The following FRMD4B variants were observed in gnomAD, a reference collection of about 807,000 sequenced individuals.
FRMD4B encodes FERM domain-containing protein 4B.
A neutral mutation model predicts 141.5 loss-of-function variants in FRMD4B; 74 were observed. The observed-to-expected ratio is 0.52, with a 90% CI of 0.43 to 0.63. FRMD4B has a LOEUF of 0.63. Ranked by LOEUF, FRMD4B falls within the 30% of genes least tolerant of loss-of-function variation. FRMD4B has a pLI of 0.00. For missense variants in FRMD4B, 1,366 were observed against 1,253.4 expected (o/e 1.09, Z -1.36); for synonymous variants, 506 against 467.9 (o/e 1.08, Z -1.05).
intron 1 of FRMD4B, among the ~76,000 whole-genome samples, chr3:69,350,644 A>G (rs1703109921): frequency 6.6e-6 from 1 of 152,158 alleles, no homozygotes; most frequent in African/African-American, 2.4e-5. Flanking sequence ...CTGTGCAGCC[A>G]TAAAGAAGAA....
chr3:69,480,892 A>T (rs1297807156), intron 1 of FRMD4B, among the ~76,000 whole-genome samples: 1 of 152,014 alleles, frequency 6.6e-6, no homozygotes, highest in Non-Finnish European at 1.5e-5. Flanking sequence ...TTATTTGTTT[A>T]CCTAAGCAAG....
At chr3:69,511,946 C>G (rs1043239777) in intron 1 of FRMD4B, among the ~76,000 whole-genome samples, 3 of 152,102 alleles carry the variant, frequency 2.0e-5, no homozygotes, top group African/African-American at 7.2e-5. Context: ...CGAAGACATC[C>G]TGGAGGGGGC....
intron 3 of FRMD4B, 104 bp from the exon 4 acceptor site, chr3:69,302,539 G>A (rs374581726): frequency 3.9e-5 from 28 of 717,118 alleles, no homozygotes; most frequent in African/African-American, 1.7e-4. Flanking sequence ...CTCATACACC[G>A]ATGGTAGGAG....
chr3:69,458,767 T>C (rs1705657918), intron 1 of FRMD4B, among the ~76,000 whole-genome samples: 1 of 151,184 alleles, frequency 6.6e-6, no homozygotes, highest in African/African-American at 2.4e-5. Flanking sequence ...ATTGGTAGAT[T>C]CTACTCTTAT....
chr3:69,183,624 A>G (rs1234444420), intron 19 of FRMD4B, among the ~76,000 whole-genome samples: 1 of 151,330 alleles, frequency 6.6e-6, no homozygotes, highest in East Asian at 1.9e-4. Flanking sequence ...CTGGGACCAC[A>G]GGCGCCCACC....
intron 2 of FRMD4B, among the ~76,000 whole-genome samples, chr3:69,394,413 G>A (rs148465471): frequency 6.6e-6 from 1 of 152,244 alleles, no homozygotes; most frequent in Non-Finnish European, 1.5e-5. Context: ...ATGGTTCTAG[G>A]ATGTGTTTTA....
intron 1 of FRMD4B, among the ~76,000 whole-genome samples, chr3:69,339,463 C>T (rs1417076579): frequency 6.6e-6 from 1 of 152,098 alleles, no homozygotes; most frequent in Non-Finnish European, 1.5e-5. Flanking sequence ...GTATCTGCCC[C>T]ACAGAACTGA....
At chr3:69,188,882 A>T (rs1415908091) in intron 18 of FRMD4B, among the ~76,000 whole-genome samples, 1 of 151,952 alleles carries the variant, frequency 6.6e-6, no homozygotes, top group Non-Finnish European at 1.5e-5. Flanking sequence ...ACAAGAGATG[A>T]CAAAGAAACA....
At chr3:69,386,718 C>G (rs1704265725), upstream of FRMD4B, among the ~76,000 whole-genome samples, 2 of 152,226 alleles carry the variant, frequency 1.3e-5, no homozygotes, top group Admixed American at 1.3e-4. Flanking sequence ...TTGCTCCTAA[C>G]TTGAGGGTCT....
intron 12 of FRMD4B, 182 bp downstream of exon 12, chr3:69,198,516 G>C (rs1370424940): frequency 3.4e-6 from 2 of 585,762 alleles, no homozygotes; most frequent in East Asian, 5.7e-5. Context: ...ACTTTGAAAA[G>C]CAGCCTTGCC....
chr3:69,541,795 C>CCCCT (rs1298020666), intron 1 of FRMD4B, among the ~76,000 whole-genome samples: 1 of 151,536 alleles, frequency 6.6e-6, no homozygotes. Flanking sequence ...GATTTCCCCC[C>CCCCT]CCTCTTTTCG....
At chr3:69,205,746 C>G (rs1398046187) in intron 11 of FRMD4B, among the ~76,000 whole-genome samples, 1 of 152,134 alleles carries the variant, frequency 6.6e-6, no homozygotes, top group African/African-American at 2.4e-5. Context: ...CCCTAAATGT[C>G]TATGGTGCTG....
chr3:69,285,857 AAAT>A (rs970432513), intron 5 of FRMD4B, among the ~76,000 whole-genome samples: 1 of 152,164 alleles, frequency 6.6e-6, no homozygotes, highest in Non-Finnish European at 1.5e-5. Context: ...AAGAAAAAAA[AAAT>A]AATTGCTCAA....
chr3:69,229,475 T>C (rs549149138), intron 7 of FRMD4B, among the ~76,000 whole-genome samples: 6 of 152,286 alleles, frequency 3.9e-5, no homozygotes, highest in Non-Finnish European at 7.4e-5. Flanking sequence ...ACCTGTTTAA[T>C]ATAGGAATTT....
intron 2 of FRMD4B, among the ~76,000 whole-genome samples, chr3:69,404,603 G>C (rs1694591827): frequency 6.6e-6 from 1 of 152,128 alleles, no homozygotes; most frequent in Non-Finnish European, 1.5e-5. Flanking sequence ...GAGTTGATGG[G>C]TTAGGTTCAG....
At chr3:69,369,039 T>C (rs1703751233) in intron 1 of FRMD4B, among the ~76,000 whole-genome samples, 2 of 152,242 alleles carry the variant, frequency 1.3e-5, no homozygotes, top group South Asian at 2.1e-4. Context: ...TCAAAATTAA[T>C]AGTAATTTTC....
At chr3:69,212,381 G>GGGA (rs1553702397) in intron 11 of FRMD4B, among the ~76,000 whole-genome samples, 1 of 95,598 alleles carries the variant, frequency 1.0e-5, no homozygotes, top group Admixed American at 1.5e-4. Flanking sequence ...AAAAAAAAAA[G>GGGA]AAAAAAAAAA....
chr3:69,250,164 G>A lies in FRMD4B; in HGVS notation c.502-65C>T, dbSNP rs780481405. 5.6e-6 allele frequency: 6 copies of A among 1,077,958 alleles called. No homozygotes were observed. In the African/African-American group the frequency reaches 6.2e-5, roughly 11 times the overall value. The allele number at this position is 1,077,958 out of a possible 1,614,324, so 66.8% of individuals were successfully genotyped here. A position where few individuals can be genotyped will look rare whatever the true frequency, so the allele number is the denominator to read the frequency against. On this transcript the variant is annotated intron_variant, in intron 5 of 22. Coordinates refer to ENST00000398540, the MANE Select transcript of FRMD4B (RefSeq NM_015123.3). ...GTCCTAGATTGTAGCAAATGGCTCT[G>A]AAGTTGAGGAAGCTGTCACAGCTTG...
At chr3:69,478,128 A>C (rs1365958798) in intron 1 of FRMD4B, among the ~76,000 whole-genome samples, 1 of 151,948 alleles carries the variant, frequency 6.6e-6, no homozygotes, top group Non-Finnish European at 1.5e-5. Flanking sequence ...GCAGTCTATC[A>C]ATTCTGTTGA....
Sources: allele counts gnomAD v4.1 joint callset (sites outside exome capture counted in the v4.1 genomes callset), GRCh38; gene constraint gnomAD v4.1.1; transcripts MANE v1.5; gene names NCBI Gene and HGNC (gene_info 2026-07-23, HGNC 2026-07-21).